The following INSIG2 variants were observed in gnomAD, a reference collection of about 807,000 sequenced individuals.
INSIG2 encodes the protein insulin induced gene 2.
INSIG2 carries 10 observed loss-of-function variants against 27.2 expected under a neutral mutation model. The ratio of observed to expected loss-of-function variants is 0.37; its 90% CI spans 0.23 to 0.62. INSIG2 has a LOEUF of 0.62. Ranked by LOEUF, INSIG2 falls within the 20% of genes least tolerant of loss-of-function variation. The probability of loss-of-function intolerance (pLI) is 0.65; values close to 1 mark genes in which losing one functional copy is unlikely to be tolerated. For missense variants in INSIG2, 178 were observed against 270.2 expected (o/e 0.66, Z 2.39); for synonymous variants, 97 against 95.8 (o/e 1.01, Z -0.07).
intron 2 of INSIG2, 69 bp downstream of exon 2, chr2:118,096,869 C>A: frequency 6.8e-7 from 1 of 1,480,754 alleles, no homozygotes; most frequent in South Asian, 1.3e-5. Context: ...GTTGTCTGAG[C>A]AATAAACCTT....
rs1678694738 is a variant in INSIG2 at position 118,107,194 on chromosome 2, G to A, written c.636+5G>A. ...ATTGGTCGACAACTGGCAATGGTAA[G>A]CTGATGCTCACTTTTCTGAATAAGA... On this transcript the variant is annotated splice_donor_5th_base_variant and intron_variant, in intron 5 of 5. Transcript: ENST00000245787. 1 of 1,587,782 alleles carries A rather than the reference G, an allele frequency of 6.3e-7. No homozygotes were observed.
rs191427848 is a variant in INSIG2, at chr2:118,095,253, G to A, written c.-138-1166G>A. On this transcript the variant is annotated intron_variant, in intron 1 of 5. Transcript: ENST00000245787. ...TGGATGGGATAAAAGTAAATTACCT[G>A]TGTAGTATTTTTCCCATTTAAAAAC... 3.3e-5 allele frequency among the ~76,000 whole-genome samples: 5 copies of A among 152,320 alleles called. No homozygotes were observed. In the East Asian group the frequency reaches 9.6e-4, roughly 29 times the overall value.
At position 118,103,461 on chromosome 2, in the gene INSIG2, T is replaced by A. The variant is rs565692901; in HGVS notation, c.369+140T>A. On this transcript the variant is annotated intron_variant, in intron 3 of 5. Coordinates refer to ENST00000245787, the MANE Select transcript of INSIG2 (RefSeq NM_016133.4). ...AGAAGAAGAATGTCAACCATATTGT[T>A]GAAACATCGGTGTAGCAGCTGTGCA... 3 of 666,108 alleles carry A rather than the reference T, an allele frequency of 4.5e-6. No individual in the cohort carries two copies. In the African/African-American group the frequency reaches 5.3e-5, roughly 12 times the overall value. 41.3% of individuals were successfully genotyped at this position (666,108 alleles called of 1,614,324 possible).
At chr2:118,100,599 C>A (rs1678520268) in intron 2 of INSIG2, among the ~76,000 whole-genome samples, 5 of 151,970 alleles carry the variant, frequency 3.3e-5, no homozygotes, top group Admixed American at 3.3e-4. Flanking sequence ...GGGCTGGTCT[C>A]AAACTCCTGA....
intron 1 of INSIG2, among the ~76,000 whole-genome samples, chr2:118,091,927 T>G (rs1194245885): frequency 6.6e-6 from 1 of 152,126 alleles, no homozygotes; most frequent in African/African-American, 2.4e-5. Flanking sequence ...AGGGGGCATT[T>G]AGTGGGTGGG....
intron 1 of INSIG2, among the ~76,000 whole-genome samples, chr2:118,092,811 T>C (rs1678286630): frequency 6.6e-6 from 1 of 151,846 alleles, no homozygotes; most frequent in Admixed American, 6.6e-5. Flanking sequence ...ATGATGATGA[T>C]GATGAGGAGG....
chr2:118,100,192 C>A (rs1678506926), intron 2 of INSIG2, among the ~76,000 whole-genome samples: 1 of 151,460 alleles, frequency 6.6e-6, no homozygotes, highest in African/African-American at 2.4e-5. Context: ...GCTGAATGCT[C>A]CTGCCTCAAG....
At position 118,096,658 on chromosome 2, in the gene INSIG2, G is replaced by C. The variant is rs1420987415; in HGVS notation, c.102G>C (p.Val34=). 1.2e-6 allele frequency: 2 copies of C among 1,613,952 alleles called. No individual in the cohort carries two copies. Among genetic ancestry groups the C allele is most frequent in the Middle Eastern group, 1.7e-4 (1 of 6,060 alleles). Reference sequence around the variant, plus strand: ...TGAACTTGATGATTCGAGGAGTAGTGCTATTTTTTATTGGAGTATTTCTTG... The same window carrying C: ...TGAACTTGATGATTCGAGGAGTAGTCCTATTTTTTATTGGAGTATTTCTTG... ...QSVNLMIRGV[V]LFFIGVFLAL... Residue 34 remains valine (V), a synonymous_variant, in exon 2 of 6, where the codon GTG becomes GTC. Coordinates refer to ENST00000245787, the MANE Select transcript of INSIG2 (RefSeq NM_016133.4).
intron 2 of INSIG2, among the ~76,000 whole-genome samples, chr2:118,102,985 G>A (rs889903): frequency 0.062 from 9,394 of 151,798 alleles, 422 homozygotes; most frequent in Admixed American, 0.088. Context: ...GTAATCATTT[G>A]CAATACTTTC....
intron 1 of INSIG2, among the ~76,000 whole-genome samples, chr2:118,094,459 C>T (rs1025548419): frequency 6.6e-6 from 1 of 152,300 alleles, no homozygotes; most frequent in Admixed American, 6.5e-5. Flanking sequence ...TGCCTGGATT[C>T]CACAGCAAGG....
At chr2:118,106,241 A>G (rs1415378537) in intron 3 of INSIG2, among the ~76,000 whole-genome samples, 1 of 152,226 alleles carries the variant, frequency 6.6e-6, no homozygotes, top group Non-Finnish European at 1.5e-5. Context: ...TAAATCATAG[A>G]GAGAATGTGG....
Position 118,106,831 on chromosome 2 carries a change from T to C in INSIG2, c.464T>C (p.Phe155Ser). The C allele has an allele frequency of 6.2e-7, 1 of 1,614,140 alleles. No individual in the cohort carries two copies. The highest frequency in any genetic ancestry group is 8.5e-7 in the Non-Finnish European group (1 of 1,179,954). The change falls in exon 4 of 6, where the codon TTT (phenylalanine) becomes TCT (serine). Residue 155 changes from phenylalanine (F) to serine (S), a missense_variant. By Grantham distance (155) the Phe-to-Ser change is radical (BLOSUM62 -2). Transcript: ENST00000245787. ...ACTTTTGATAGATCTAGAAGTGGTT[T>C]TGGCCTTGGAGTAGGAATTGCCTTC... ...WWTFDRSRSGFGLGVGIAFLA... is the reference protein window; with the variant it reads ...WWTFDRSRSGSGLGVGIAFLA...
In INSIG2 at chr2:118,108,539, T is replaced by A; in HGVS notation, c.*217T>A. ...AAATCAGTTGTAAACCTTTACATATTTGACTTAAATAACTGTAAGATATAT... is the reference window on the plus strand; with the variant it reads ...AAATCAGTTGTAAACCTTTACATATATGACTTAAATAACTGTAAGATATAT... On this transcript the variant is annotated 3_prime_UTR_variant, in exon 6 of 6. Transcript: ENST00000245787. 2.4e-6 allele frequency: 1 copy of A among 414,598 alleles called. No homozygotes were observed. Among genetic ancestry groups the A allele is most frequent in the Non-Finnish European group, 4.4e-6 (1 of 229,734 alleles). The allele number at this position is 414,598 out of a possible 1,614,324, so 25.7% of individuals were successfully genotyped here. A position where few individuals can be genotyped will look rare whatever the true frequency, so the allele number is the denominator to read the frequency against.
intron 1 of INSIG2, among the ~76,000 whole-genome samples, chr2:118,092,836 A>C (rs1405747047): frequency 6.7e-6 from 1 of 149,066 alleles, no homozygotes; most frequent in Non-Finnish European, 1.5e-5. Flanking sequence ...TTCTGTAGCT[A>C]CTGAACCTTG....
chr2:118,101,363 C>G (rs1039714915), intron 2 of INSIG2, among the ~76,000 whole-genome samples: 1 of 152,172 alleles, frequency 6.6e-6, no homozygotes, highest in Non-Finnish European at 1.5e-5. Flanking sequence ...TGTGTTTTTG[C>G]TTTCTCTCCT....
intron 2 of INSIG2, among the ~76,000 whole-genome samples, chr2:118,102,261 T>C (rs964493406): frequency 3.3e-5 from 5 of 152,352 alleles, no homozygotes; most frequent in African/African-American, 1.2e-4. Context: ...TTTTAATAAC[T>C]AATTTAGCAC....
chr2:118,088,621 A>T, intron 1 of INSIG2, 80 bp downstream of exon 1: 1 of 153,010 alleles, frequency 6.5e-6, no homozygotes, highest in South Asian at 2.1e-4. Context: ...GGCCCTTGGG[A>T]AGAAGAACTA....
At chr2:118,090,560 C>A (rs1678201116) in intron 1 of INSIG2, among the ~76,000 whole-genome samples, 1 of 152,130 alleles carries the variant, frequency 6.6e-6, no homozygotes, top group Non-Finnish European at 1.5e-5. Flanking sequence ...TTGATCTATG[C>A]AAATTATTTC....
At chr2:118,098,401 G>A (rs1049647117) in intron 2 of INSIG2, among the ~76,000 whole-genome samples, 1 of 152,192 alleles carries the variant, frequency 6.6e-6, no homozygotes, top group Non-Finnish European at 1.5e-5. Flanking sequence ...ATGGGGAGAT[G>A]AGGACACTCA....
Sources: allele counts gnomAD v4.1 joint callset (sites outside exome capture counted in the v4.1 genomes callset), GRCh38; gene constraint gnomAD v4.1.1; transcripts MANE v1.5; gene names NCBI Gene and HGNC (gene_info 2026-07-23, HGNC 2026-07-21).